The following KDM2A variants were observed in gnomAD, a reference collection of about 807,000 sequenced individuals.
The protein encoded by KDM2A is lysine demethylase 2A.
KDM2A carries 3 observed loss-of-function variants against 137.3 expected under a neutral mutation model. The ratio of observed to expected loss-of-function variants is 0.02; its 90% confidence interval spans 0.01 to 0.06. The LOEUF (loss-of-function observed/expected upper bound fraction) is 0.06. Among genes scored for constraint, KDM2A ranks in the 10% least tolerant of loss-of-function variants. KDM2A has a pLI of 1.00. For missense variants in KDM2A, 738 were observed against 1,510.6 expected (o/e 0.49, Z 8.48); for synonymous variants, 512 against 541.5 (o/e 0.95, Z 0.76).
At chr11:67,141,389 G>A (rs1364358835) in intron 2 of KDM2A, among the ~76,000 whole-genome samples, 1 of 151,692 alleles carries the variant, frequency 6.6e-6, no homozygotes, top group Non-Finnish European at 1.5e-5. Flanking sequence ...GTTATTGGCC[G>A]GGCGCGGTGG....
intron 2 of KDM2A, among the ~76,000 whole-genome samples, chr11:67,122,083 A>G (rs181593894): frequency 2.6e-5 from 4 of 152,304 alleles, no homozygotes; most frequent in Admixed American, 2.0e-4. Context: ...AGAGAGCTTT[A>G]TTAGTAGTCT....
At position 67,121,378 on chromosome 11, in the gene KDM2A, A is replaced by C. The variant is rs1565366189; in HGVS notation, c.42+20A>C. 1 of 1,608,326 alleles carries C rather than the reference A, an allele frequency of 6.2e-7. No individual in the cohort carries two copies. Among genetic ancestry groups the C allele is most frequent in the Non-Finnish European group, 8.5e-7 (1 of 1,174,972 alleles). ...AGATTGGTTAGTATTTTCTCCCCCC[A>C]CCACACCCTCCAGTTTTAAAGTAGG... On this transcript the variant is annotated intron_variant, in intron 2 of 20. Transcript: ENST00000529006.
chr11:67,201,051 G>A (rs564297275), intron 5 of KDM2A, among the ~76,000 whole-genome samples: 96 of 151,930 alleles, frequency 6.3e-4, no homozygotes, highest in African/African-American at 2.0e-3. Context: ...AAAATTAGCC[G>A]GGCGTGGTGG....
chr11:67,223,389 T>C (rs1452028953), intron 10 of KDM2A, among the ~76,000 whole-genome samples: 1 of 101,038 alleles, frequency 9.9e-6, no homozygotes, highest in Non-Finnish European at 1.9e-5. Flanking sequence ...TTTTTCTTTC[T>C]TATTTATTTA....
chr11:67,242,457 C>T (rs974148528), intron 12 of KDM2A, among the ~76,000 whole-genome samples: 3 of 152,160 alleles, frequency 2.0e-5, no homozygotes, highest in African/African-American at 7.2e-5. Flanking sequence ...TGGTTCACAT[C>T]TGAGAAATGA....
At chr11:67,120,288 C>T (rs1174927561) in intron 1 of KDM2A, among the ~76,000 whole-genome samples, 2 of 152,206 alleles carry the variant, frequency 1.3e-5, no homozygotes, top group Admixed American at 6.5e-5. Flanking sequence ...GGGCTTCCTC[C>T]GGGAGGGCTC....
intron 2 of KDM2A, among the ~76,000 whole-genome samples, chr11:67,148,519 G>A (rs1233576987): frequency 2.0e-5 from 3 of 152,030 alleles, no homozygotes; most frequent in Non-Finnish European, 4.4e-5. Context: ...CAAGTAATCC[G>A]GCCGGGCGTG....
At chr11:67,208,944 T>C (rs1047692121) in intron 6 of KDM2A, among the ~76,000 whole-genome samples, 1 of 151,900 alleles carries the variant, frequency 6.6e-6, no homozygotes, top group East Asian at 1.9e-4. Context: ...ATTTATTATT[T>C]TTTTTTTGAG....
rs567872318 is a variant in KDM2A at position 67,218,799 on chromosome 11, C to T, written c.842-489C>T. Among the ~76,000 whole-genome samples, 5 of 152,178 alleles carry T rather than the reference C, an allele frequency of 3.3e-5. No homozygotes were observed. In the South Asian group the frequency reaches 6.2e-4, roughly 19 times the overall value. On this transcript the variant is annotated intron_variant, in intron 9 of 20. Transcript: ENST00000529006. The stretch of plus-strand genomic sequence containing the variant: ...CTAATTTTTGTATTTTTACTAGAGA[C>T]GGGGTTTCACCATGTTGGCCAGGCT...
At chr11:67,212,239 C>T (rs1262566225) in intron 6 of KDM2A, among the ~76,000 whole-genome samples, 1 of 152,020 alleles carries the variant, frequency 6.6e-6, no homozygotes, top group Non-Finnish European at 1.5e-5. Context: ...GGAAGTGGTG[C>T]CTAATGTTGA....
At chr11:67,187,163 G>A (rs1458581946) in intron 5 of KDM2A, among the ~76,000 whole-genome samples, 1 of 151,948 alleles carries the variant, frequency 6.6e-6, no homozygotes, top group Non-Finnish European at 1.5e-5. Flanking sequence ...ATATACAGAA[G>A]GAAATGAGAA....
At position 67,141,986 on chromosome 11, in the gene KDM2A, G is replaced by A. The variant is rs796323697; in HGVS notation, c.42+20628G>A. Among the ~76,000 whole-genome samples the A allele has an allele frequency of 1.3e-4, 20 of 151,998 alleles. 1 individual carries two copies. Among genetic ancestry groups the A allele is most frequent in the African/African-American group, 4.1e-4 (17 of 41,488 alleles). On this transcript the variant is annotated intron_variant, in intron 2 of 20. Coordinates refer to ENST00000529006, the MANE Select transcript of KDM2A (RefSeq NM_012308.3). ...TATTCTCCAATTCCATCCATGTTCC[G>A]AAAATGACAGAATTTCATTCTTTTT... is the stretch of plus-strand genomic sequence containing the variant.
At chr11:67,163,771 G>T (rs1397651927) in intron 2 of KDM2A, among the ~76,000 whole-genome samples, 1 of 151,504 alleles carries the variant, frequency 6.6e-6, no homozygotes, top group Non-Finnish European at 1.5e-5. Flanking sequence ...CAGGAGAATC[G>T]CTTGAACCTG....
At chr11:67,195,288 G>C (rs947332817) in intron 5 of KDM2A, among the ~76,000 whole-genome samples, 1 of 132,770 alleles carries the variant, frequency 7.5e-6, no homozygotes, top group Non-Finnish European at 1.5e-5. Flanking sequence ...AGAATCACTT[G>C]AACCCAGAAG....
intron 5 of KDM2A, among the ~76,000 whole-genome samples, chr11:67,202,703 G>A (rs1331463942): frequency 6.6e-6 from 1 of 152,098 alleles, no homozygotes; most frequent in Non-Finnish European, 1.5e-5. Context: ...GTGAACCCAG[G>A]AGGCGGAGCT....
At chr11:67,208,928 T>A (rs1272240724) in intron 6 of KDM2A, among the ~76,000 whole-genome samples, 1 of 151,834 alleles carries the variant, frequency 6.6e-6, no homozygotes, top group Non-Finnish European at 1.5e-5. Context: ...AATAAACATT[T>A]TTATTATTTA....
chr11:67,193,002 TA>T (rs1479948325), intron 5 of KDM2A, among the ~76,000 whole-genome samples: 1 of 152,168 alleles, frequency 6.6e-6, no homozygotes, highest in Non-Finnish European at 1.5e-5. Context: ...ATTTTTTGGC[TA>T]GGGGGTATCA....
At chr11:67,137,631 G>C (rs1040197257) in intron 2 of KDM2A, among the ~76,000 whole-genome samples, 2 of 152,084 alleles carry the variant, frequency 1.3e-5, no homozygotes, top group African/African-American at 4.8e-5. Flanking sequence ...ATTGAAATAG[G>C]GTACACTGAA....
At chr11:67,226,267 T>A (rs948816256) in intron 10 of KDM2A, among the ~76,000 whole-genome samples, 7 of 151,338 alleles carry the variant, frequency 4.6e-5, no homozygotes, top group African/African-American at 1.2e-4. Flanking sequence ...AAAAAAAAAA[T>A]AATAATATAT....
Sources: gnomAD v4.1 joint callset for allele counts (sites outside exome capture counted in the v4.1 genomes callset) on GRCh38, gnomAD v4.1.1 for gene constraint, MANE v1.5 for transcripts, NCBI Gene and HGNC (gene_info 2026-07-23, HGNC 2026-07-21) for gene names.